The following SYNE2 variants were observed in gnomAD, a reference collection of about 807,000 sequenced individuals.
The protein encoded by SYNE2 is spectrin repeat containing nuclear envelope protein 2, also known as nesprin-2.
In SYNE2, 431 loss-of-function variants were observed where a neutral mutation model predicts 856.3. The observed-to-expected ratio is 0.50, with a 90% confidence interval of 0.47 to 0.55. SYNE2 has a LOEUF of 0.55. Ranked by LOEUF, SYNE2 falls within the 20% of genes least tolerant of loss-of-function variation. The pLI is 0.00. For synonymous variants in SYNE2, 2,923 were observed against 2,872.3 expected (o/e 1.02, Z -0.56); for missense variants, 8,129 against 8,023.2 (o/e 1.01, Z -0.50).
chr14:64,173,695 A>G (rs1187778163), intron 94 of SYNE2, among the ~76,000 whole-genome samples: 2 of 151,350 alleles, frequency 1.3e-5, no homozygotes, highest in African/African-American at 4.9e-5. Flanking sequence ...TGTAACCTCA[A>G]ACTTCTGGTG....
intron 78 of SYNE2, among the ~76,000 whole-genome samples, chr14:64,136,995 T>C (rs920328394): frequency 6.6e-6 from 1 of 152,188 alleles, no homozygotes; most frequent in Non-Finnish European, 1.5e-5. Flanking sequence ...CCACATGAGA[T>C]GCAGACCAAC....
Position 64,125,133 on chromosome 14 carries a change from C to G in SYNE2, c.13477C>G (p.Pro4493Ala). 6.2e-7 allele frequency: 1 copy of G among 1,613,974 alleles called. No individual in the cohort carries two copies. Among genetic ancestry groups the G allele is most frequent in the African/African-American group, 1.3e-5 (1 of 74,962 alleles). The change falls in exon 71 of 116, where the codon CCA becomes GCA. Residue 4493 changes from proline (P) to alanine (A), a missense_variant. By Grantham distance (27) the Pro-to-Ala change is conservative. Coordinates refer to ENST00000555002, the MANE Select transcript of SYNE2 (RefSeq NM_182914.3). The stretch of plus-strand genomic sequence containing the variant: ...CGTGACTATGTATAACTTTAGATAC[C>G]CAACAACTGAAGAACTGAAAACCTA... ...PSVTMYNFRY[P>A]TTEELKTYTT...
chr14:63,781,617 G>A (rs1162958841), intron 1 of SYNE2, among the ~76,000 whole-genome samples: 1 of 151,672 alleles, frequency 6.6e-6, no homozygotes, highest in Non-Finnish European at 1.5e-5. Context: ...AGGAGGGCTA[G>A]CATGAACCCC....
At chr14:64,178,745 T>A (rs755802708) in intron 96 of SYNE2, among the ~76,000 whole-genome samples, 2 of 152,156 alleles carry the variant, frequency 1.3e-5, no homozygotes, top group Non-Finnish European at 2.9e-5. Flanking sequence ...CCCAGCCTGC[T>A]GTCAATGAGA....
chr14:64,069,547 C>T (rs143925975), intron 51 of SYNE2, among the ~76,000 whole-genome samples: 2 of 152,178 alleles, frequency 1.3e-5, no homozygotes, highest in Non-Finnish European at 2.9e-5. Context: ...TTCCCCAGGC[C>T]CCTCTCGACA....
In SYNE2 at chr14:64,098,265, T is replaced by C. The variant is rs2097693568; in HGVS notation, c.12306+119T>C. ...TATGGCCTGTAGTAAAGGAATTTTT[T>C]AAAGTGGAAATACTCAACCTGAGGT... On this transcript the variant is annotated intron_variant, in intron 62 of 115. Transcript: ENST00000555002. The C allele has an allele frequency of 1.7e-5, 19 of 1,121,362 alleles. No individual in the cohort carries two copies. In the South Asian group the frequency reaches 2.0e-4, roughly 12 times the overall value. The allele number at this position is 1,121,362 out of a possible 1,614,324, so 69.5% of individuals were successfully genotyped here. A position where few individuals can be genotyped will look rare whatever the true frequency, so the allele number is the denominator to read the frequency against.
Position 64,167,338 on chromosome 14 carries a change from A to G in SYNE2, c.16711A>G (p.Met5571Val). 11 of 1,614,254 alleles carry G rather than the reference A, an allele frequency of 6.8e-6. 1 individual carries two copies. The highest frequency in any genetic ancestry group is 7.6e-6 in the Non-Finnish European group (9 of 1,180,042). Residue 5571 changes from methionine (M) to valine (V), a missense_variant, in exon 91 of 116, where the codon ATG becomes GTG. Coordinates refer to ENST00000555002, the MANE Select transcript of SYNE2 (RefSeq NM_182914.3). ...CGTAGCTGTGAAGACGTTACAAAAT[A>G]TGAACCGGCAATGGATTCGGGCCAC... is the stretch of plus-strand genomic sequence containing the variant. ...SDVAVKTLQN[M>V]NRQWIRATAT... is the part of the protein sequence containing the mutation.
At chr14:64,072,232 T>G (rs1030027546) in intron 52 of SYNE2, among the ~76,000 whole-genome samples, 3 of 152,232 alleles carry the variant, frequency 2.0e-5, no homozygotes, top group Non-Finnish European at 4.4e-5. Context: ...AAGAATATAG[T>G]AGTTTTATGG....
intron 99 of SYNE2, among the ~76,000 whole-genome samples, chr14:64,201,628 A>G (rs540612788): frequency 6.6e-6 from 1 of 152,258 alleles, no homozygotes; most frequent in South Asian, 2.1e-4. Flanking sequence ...TCTAGAACTT[A>G]CTTACACTTT....
intron 43 of SYNE2, among the ~76,000 whole-genome samples, chr14:64,029,472 A>T (rs1002029331): frequency 1.3e-5 from 2 of 152,196 alleles, no homozygotes; most frequent in African/African-American, 4.8e-5. Flanking sequence ...TAAGACATGA[A>T]TCTGAGGTTA....
intron 96 of SYNE2, among the ~76,000 whole-genome samples, chr14:64,183,367 G>A (rs565272540): frequency 2.2e-3 from 328 of 152,032 alleles, no homozygotes; most frequent in African/African-American, 7.5e-3. Flanking sequence ...GGGCGGCCGG[G>A]CAGAGATGCT....
intron 1 of SYNE2, among the ~76,000 whole-genome samples, chr14:63,825,663 C>T (rs1037529092): frequency 5.3e-5 from 8 of 152,094 alleles, no homozygotes; most frequent in Admixed American, 3.3e-4. Context: ...CACCTGAGGT[C>T]AGGAGTTCGA....
At chr14:64,109,420 T>G (rs564040292) in intron 65 of SYNE2, among the ~76,000 whole-genome samples, 1 of 152,238 alleles carries the variant, frequency 6.6e-6, no homozygotes, top group South Asian at 2.1e-4. Context: ...TACCCCACTT[T>G]ACAGATGGAG....
At chr14:63,903,527 C>G (rs1225969333) in intron 1 of SYNE2, among the ~76,000 whole-genome samples, 5 of 152,040 alleles carry the variant, frequency 3.3e-5, no homozygotes, top group Non-Finnish European at 7.4e-5. Flanking sequence ...GGTAGTCTGT[C>G]TATGTTGCCC....
chr14:63,890,053 C>CTT (rs71123813), intron 1 of SYNE2, among the ~76,000 whole-genome samples: 11 of 94,928 alleles, frequency 1.2e-4, no homozygotes, highest in Non-Finnish European at 1.6e-4. Context: ...TTCTTTCTTT[C>CTT]TTTTTTTTTT....
At chr14:64,047,866 G>C in intron 45 of SYNE2, 134 bp from the exon 46 acceptor site, 1 of 935,234 alleles carries the variant, frequency 1.1e-6, no homozygotes, top group Non-Finnish European at 1.6e-6. Context: ...ATCATCTTTC[G>C]TAGTGCCCAA....
rs368012945 is a variant in SYNE2 at position 64,052,933 on chromosome 14, A to G, written c.9020A>G (p.Tyr3007Cys). 9.9e-6 allele frequency: 16 copies of G among 1,612,524 alleles called. No homozygotes were observed. The highest frequency in any genetic ancestry group is 4.5e-5 in the East Asian group (2 of 44,858). ...QVLKLKKVFDYIGLNWDFSQL... is the reference protein window; with the variant it reads ...QVLKLKKVFDCIGLNWDFSQL... ...TTGAAACTTAAAAAAGTGTTTGACT[A>G]TATTGGACTAAACTGGGATTTTTCA... Residue 3007 changes from tyrosine to cysteine, a missense_variant, in exon 48 of 116, where the codon TAT (tyrosine) becomes TGT (cysteine). By Grantham distance (194) the Tyr-to-Cys change is radical. Around this residue, in one of 3 missense-constraint regions of SYNE2, gnomAD observed 5,410 missense variants for 5,284.8 expected, o/e 1.02. Coordinates refer to ENST00000555002, the MANE Select transcript of SYNE2 (RefSeq NM_182914.3).
At chr14:64,139,920 C>T (rs370881852) in intron 79 of SYNE2, 21 bp from the exon 80 acceptor site, 21 of 1,613,708 alleles carry the variant, frequency 1.3e-5, no homozygotes, top group Non-Finnish European at 1.8e-5. Flanking sequence ...TCTGCCTTCT[C>T]TCTCACTTTG....
Position 64,214,336 on chromosome 14 carries a change from G to T in SYNE2, c.19199G>T (p.Gly6400Val), listed in dbSNP as rs773312578. The stretch of plus-strand genomic sequence containing the variant: ...TCCCTGTGTCATCTAGTGGCCCCAG[G>T]GCACGAGCGGTCTGGCTGCGAGACC... ...PQSLCHLVAP[G>V]HERSGCETPV... Residue 6400 changes from glycine (G) to valine (V), a missense_variant, in exon 106 of 116, where the codon GGG (glycine) becomes GTG (valine). Gly to Val is a moderately radical substitution (Grantham distance 109). Coordinates refer to ENST00000555002, the MANE Select transcript of SYNE2 (RefSeq NM_182914.3). The T allele has an allele frequency of 4.3e-6, 7 of 1,614,104 alleles. No homozygotes were observed. The South Asian group carries it at 7.7e-5, about 18-fold the overall frequency.
Sources: gnomAD v4.1 joint callset for allele counts (sites outside exome capture counted in the v4.1 genomes callset) on GRCh38, gnomAD v4.1.1 for gene constraint, gnomAD v4.1.1 regional missense constraint, MANE v1.5 for transcripts, NCBI Gene and HGNC (gene_info 2026-07-23, HGNC 2026-07-21) for gene names.